Variants in FTO observed in about 807,000 individuals in gnomAD.
FTO encodes alpha-ketoglutarate-dependent dioxygenase FTO.
In FTO, 47 loss-of-function variants were observed where a neutral mutation model predicts 63.9. The ratio of observed to expected loss-of-function variants is 0.74; its 90% CI spans 0.58 to 0.94. The LOEUF is 0.94. Among genes scored for constraint, FTO ranks in the 40% least tolerant of loss-of-function variants. The probability of loss-of-function intolerance (pLI) is 0.00; values close to 1 mark genes in which losing one functional copy is unlikely to be tolerated. For missense variants in FTO, 562 were observed against 618.1 expected, an observed-to-expected ratio of 0.91 and a Z score of 0.96; for synonymous variants, 207 against 224.4, an observed-to-expected ratio of 0.92 and a Z score of 0.69.
At chr16:53,951,862 T>C (rs76842753) in intron 8 of FTO, among the ~76,000 whole-genome samples, 3,615 of 152,108 alleles carry the variant, frequency 0.024, 143 homozygotes, top group African/African-American at 0.082. Context: ...AATGCAATAA[T>C]GTGGGTGGTT....
rs2077610600 is a variant in FTO, at chr16:53,782,409, G to T, written c.46-27731G>T. On this transcript the variant is annotated intron_variant, in intron 1 of 8. Coordinates refer to ENST00000471389, the MANE Select transcript of FTO (RefSeq NM_001080432.3). ...TTGCCTTAGGTAAACTGTAGAGATGGACTCATGGAATGCTTGGAAAATTTT... is the reference window on the plus strand; with the variant it reads ...TTGCCTTAGGTAAACTGTAGAGATGTACTCATGGAATGCTTGGAAAATTTT... Among the ~76,000 whole-genome samples, 3 of 152,142 alleles carry T rather than the reference G, an allele frequency of 2.0e-5. No individual in the cohort carries two copies. The South Asian group carries it at 6.2e-4, about 32-fold the overall frequency.
chr16:53,941,594 C>T lies in FTO; in HGVS notation c.1364+7485C>T, dbSNP rs539026980. ...AGGTGCAGTGGCTCAGGCCTGTAATCCCAACTCTTTGGGAGGCTGAGGCGG... is the reference window on the plus strand; with the variant it reads ...AGGTGCAGTGGCTCAGGCCTGTAATTCCAACTCTTTGGGAGGCTGAGGCGG... On this transcript the variant is annotated intron_variant, in intron 8 of 8. Coordinates refer to ENST00000471389, the MANE Select transcript of FTO (RefSeq NM_001080432.3). Among the ~76,000 whole-genome samples, 179 of 152,318 alleles carry T rather than the reference C, an allele frequency of 1.2e-3. 1 individual carries two copies. The highest frequency in any genetic ancestry group is 4.2e-3 in the African/African-American group (175 of 41,572).
At chr16:53,889,345 G>A (rs1237464460) in intron 7 of FTO, among the ~76,000 whole-genome samples, 2 of 152,192 alleles carry the variant, frequency 1.3e-5, no homozygotes, top group Non-Finnish European at 2.9e-5. Context: ...ATTTGTGGAT[G>A]TGAAAACTGA....
Position 54,012,674 on chromosome 16 carries a change from C to T in FTO, c.1364+78565C>T, listed in dbSNP as rs577499219. Reference sequence around the variant, plus strand: ...GTAACTTTAAGTCGAAGCTATTGCTCATTTACCGTTCTGAAAATCCTAGGG... The same window carrying T: ...GTAACTTTAAGTCGAAGCTATTGCTTATTTACCGTTCTGAAAATCCTAGGG... On this transcript the variant is annotated intron_variant, in intron 8 of 8. Coordinates refer to ENST00000471389, the MANE Select transcript of FTO (RefSeq NM_001080432.3). Among the ~76,000 whole-genome samples, 6 of 152,240 alleles carry T rather than the reference C, an allele frequency of 3.9e-5. No homozygotes were observed. In the South Asian group the frequency reaches 1.0e-3, roughly 26 times the overall value.
chr16:53,704,764 C>A (rs1156311105), intron 1 of FTO, among the ~76,000 whole-genome samples: 2 of 152,138 alleles, frequency 1.3e-5, no homozygotes, highest in African/African-American at 4.8e-5. Context: ...CATGGGATGA[C>A]CATAATAATG....
chr16:54,075,974 G>A (rs923353494), intron 8 of FTO, among the ~76,000 whole-genome samples: 2 of 152,032 alleles, frequency 1.3e-5, no homozygotes, highest in Non-Finnish European at 1.5e-5. Context: ...TAGAATATGC[G>A]AGGCCGGATT....
intron 7 of FTO, among the ~76,000 whole-genome samples, chr16:53,896,303 T>TA (rs1340769348): frequency 4.0e-5 from 6 of 151,764 alleles, no homozygotes; most frequent in African/African-American, 7.3e-5. Flanking sequence ...TTATGTAACT[T>TA]ATTTCATCTA....
intron 8 of FTO, among the ~76,000 whole-genome samples, chr16:54,022,691 T>C (rs1434504702): frequency 6.6e-6 from 1 of 152,208 alleles, no homozygotes; most frequent in African/African-American, 2.4e-5. Context: ...AACAAGATTA[T>C]ACATTTGGAA....
chr16:54,019,738 G>T (rs1348510863), intron 8 of FTO, among the ~76,000 whole-genome samples: 1 of 152,154 alleles, frequency 6.6e-6, no homozygotes, highest in Admixed American at 6.5e-5. Flanking sequence ...GGATACCATT[G>T]TTAGGACTTC....
chr16:54,009,069 T>C (rs1433483606), intron 8 of FTO, among the ~76,000 whole-genome samples: 1 of 151,908 alleles, frequency 6.6e-6, no homozygotes, highest in Non-Finnish European at 1.5e-5. Context: ...TGATGGTAAC[T>C]AACAATGGGA....
At chr16:53,795,555 G>T (rs1313900731) in intron 1 of FTO, among the ~76,000 whole-genome samples, 1 of 152,018 alleles carries the variant, frequency 6.6e-6, no homozygotes, top group African/African-American at 2.4e-5. Flanking sequence ...TCCACCTGAG[G>T]TCTCAGCCTC....
rs548277602 is a variant in FTO, at chr16:53,835,051, G to C, written c.751+8560G>C. ...CAACTTTTTTCTTGCATTAATGGTA[G>C]TCTTGCTTTTTGTGTATTTGTATAG... On this transcript the variant is annotated intron_variant, in intron 3 of 8. Transcript: ENST00000471389. Among the ~76,000 whole-genome samples the C allele has an allele frequency of 3.3e-5, 5 of 152,256 alleles. No individual in the cohort carries two copies. The East Asian group carries it at 9.6e-4, about 29-fold the overall frequency.
chr16:53,727,933 C>A (rs547254886), intron 1 of FTO, among the ~76,000 whole-genome samples: 7 of 152,216 alleles, frequency 4.6e-5, no homozygotes, highest in African/African-American at 1.7e-4. Context: ...CCAGTGTTAG[C>A]AGGAAAGACA....
intron 7 of FTO, among the ~76,000 whole-genome samples, chr16:53,920,023 G>A: frequency 6.6e-6 from 1 of 152,064 alleles, no homozygotes; most frequent in East Asian, 1.9e-4. Flanking sequence ...GGGAAAGAGA[G>A]GAATAAAGAA....
Position 53,922,074 on chromosome 16 carries a change from T to G in FTO, c.1240-11911T>G, listed in dbSNP as rs1369536753. On this transcript the variant is annotated intron_variant, in intron 7 of 8. Coordinates refer to ENST00000471389, the MANE Select transcript of FTO (RefSeq NM_001080432.3). ...TCATCATACTTTATAAAGCGTACCA[T>G]AGTAAAATAAAAACAGTTTTATCGA... Among the ~76,000 whole-genome samples, 3 of 152,168 alleles carry G rather than the reference T, an allele frequency of 2.0e-5. No homozygotes were observed. The East Asian group carries it at 5.8e-4, about 29-fold the overall frequency.
intron 8 of FTO, among the ~76,000 whole-genome samples, chr16:54,087,586 TGAA>T (rs2086278929): frequency 6.6e-6 from 1 of 152,188 alleles, no homozygotes; most frequent in Non-Finnish European, 1.5e-5. Flanking sequence ...GAAAGATCAC[TGAA>T]CCAACAAGTT....
At chr16:53,987,114 G>A (rs558534885) in intron 8 of FTO, among the ~76,000 whole-genome samples, 3 of 151,972 alleles carry the variant, frequency 2.0e-5, no homozygotes, top group African/African-American at 7.2e-5. Context: ...GCTGGAATAC[G>A]TCTTGCTCTA....
rs533247597 is a variant in FTO at position 54,108,677 on chromosome 16, T to C, written c.1365-3085T>C. On this transcript the variant is annotated intron_variant, in intron 8 of 8. Coordinates refer to ENST00000471389, the MANE Select transcript of FTO (RefSeq NM_001080432.3). ...TATTTTATAGGTATTGGGCGCTTGC[T>C]ATGTGCCAGGAAATGTTCTAAACAC... Among the ~76,000 whole-genome samples the C allele has an allele frequency of 3.3e-5, 5 of 152,336 alleles. No individual in the cohort carries two copies. The South Asian group carries it at 1.0e-3, about 32-fold the overall frequency.
At chr16:53,756,149 A>G (rs2076918782) in intron 1 of FTO, among the ~76,000 whole-genome samples, 1 of 152,230 alleles carries the variant, frequency 6.6e-6, no homozygotes, top group South Asian at 2.1e-4. Flanking sequence ...AATTTATTTA[A>G]AAACTAAAGA....
Sources: gnomAD v4.1 joint callset for allele counts (sites outside exome capture counted in the v4.1 genomes callset) on GRCh38, gnomAD v4.1.1 for gene constraint, MANE v1.5 for transcripts, NCBI Gene and HGNC (gene_info 2026-07-23, HGNC 2026-07-21) for gene names.